Variants in KIAA1958 observed in about 807,000 individuals in gnomAD.
KIAA1958 encodes the protein KIAA1958.
Under a neutral mutation model 47.2 loss-of-function variants are expected in KIAA1958, and 14 were observed. The observed-to-expected ratio is 0.30, with a 90% CI of 0.20 to 0.46. The LOEUF (loss-of-function observed/expected upper bound fraction) is 0.46. Ranked by LOEUF, KIAA1958 falls within the 20% of genes least tolerant of loss-of-function variation. The pLI is 1.00. For missense variants in KIAA1958, 803 were observed against 909.2 expected (o/e 0.88, Z 1.50); for synonymous variants, 354 against 353.3 (o/e 1.00, Z -0.02).
At chr9:112,653,967 T>G (rs904347098) in intron 3 of KIAA1958, among the ~76,000 whole-genome samples, 2 of 152,268 alleles carry the variant, frequency 1.3e-5, no homozygotes, top group South Asian at 2.1e-4. Context: ...CTTGAAGGCT[T>G]GGAATTCACA....
chr9:112,577,834 T>C (rs1033007485), intron 2 of KIAA1958, among the ~76,000 whole-genome samples: 3 of 152,156 alleles, frequency 2.0e-5, no homozygotes, highest in African/African-American at 4.8e-5. Flanking sequence ...TAGGTTTTTT[T>C]CTTCCCTCAT....
In KIAA1958 at chr9:112,659,777, A is replaced by C. The variant is rs1837240885; in HGVS notation, c.1859A>C (p.Glu620Ala). The C allele has an allele frequency of 6.2e-7, 1 of 1,614,030 alleles. No homozygotes were observed. The highest frequency in any genetic ancestry group is 8.5e-7 in the Non-Finnish European group (1 of 1,180,048). The change falls in exon 4 of 4, where the codon GAG becomes GCG. Residue 620 changes from glutamate to alanine, a missense_variant. Glu to Ala is a moderately radical substitution (Grantham distance 107). This residue lies in a region of KIAA1958 where 761 missense variants were observed against 829.3 expected (regional missense o/e 0.92). Coordinates refer to ENST00000337530, the MANE Select transcript of KIAA1958 (RefSeq NM_133465.4). ...GTGTGTCACGGGAAGATCTACCATG[A>C]GCATTCCCGGGGACACAAACAGTGC... ...TRVCHGKIYHEHSRGHKQCPY... is the reference protein window; with the variant it reads ...TRVCHGKIYHAHSRGHKQCPY...
At chr9:112,583,922 C>T (rs1171534863) in intron 2 of KIAA1958, among the ~76,000 whole-genome samples, 1 of 152,024 alleles carries the variant, frequency 6.6e-6, no homozygotes, top group Non-Finnish European at 1.5e-5. Context: ...AAAATGTGAA[C>T]ATTTATTAAA....
intron 1 of KIAA1958, among the ~76,000 whole-genome samples, chr9:112,546,348 C>T (rs559024329): frequency 2.0e-5 from 3 of 152,248 alleles, no homozygotes; most frequent in East Asian, 3.9e-4. Flanking sequence ...CCAAGAATTC[C>T]CTGCCCCTTT....
In KIAA1958 at chr9:112,665,058, A is replaced by G. The variant is rs1837335821; in HGVS notation, c.*4989A>G. The G allele has an allele frequency of 6.6e-6, 1 of 151,984 alleles. No homozygotes were observed. The highest frequency in any genetic ancestry group is 1.5e-5 in the Non-Finnish European group (1 of 67,932). 9.4% of individuals were successfully genotyped at this position (151,984 alleles called of 1,614,324 possible). On this transcript the variant is annotated 3_prime_UTR_variant, in exon 4 of 4. Transcript: ENST00000337530. Reference sequence around the variant, plus strand: ...GCTTATTATTTAGCTAAAACAACTTATATGGAAGTTAATTATTTCAGGAAA... The same window carrying G: ...GCTTATTATTTAGCTAAAACAACTTGTATGGAAGTTAATTATTTCAGGAAA...
intron 1 of KIAA1958, among the ~76,000 whole-genome samples, chr9:112,487,947 GT>G (rs1833896902): frequency 5.0e-4 from 3 of 6,056 alleles, no homozygotes; most frequent in Non-Finnish European, 9.3e-4. Flanking sequence ...GTGTGTGTGC[GT>G]GTGTGTGTGT....
chr9:112,545,098 T>G (rs1300657605), intron 1 of KIAA1958, among the ~76,000 whole-genome samples: 1 of 152,202 alleles, frequency 6.6e-6, no homozygotes, highest in African/African-American at 2.4e-5. Context: ...ATTTGTGAAT[T>G]CAAACAGAAA....
In KIAA1958 at chr9:112,574,609, G is replaced by T; in HGVS notation, c.529G>T (p.Val177Leu). 6.2e-7 allele frequency: 1 copy of T among 1,614,168 alleles called. No individual in the cohort carries two copies. Among genetic ancestry groups the T allele is most frequent in the Non-Finnish European group, 8.5e-7 (1 of 1,180,032 alleles). The stretch of plus-strand genomic sequence containing the variant: ...AAGCATTGCTCGCAAAAGACCTGGG[G>T]TAGTCCCATCTTCCCTCCATTCAAG... ...PQSIARKRPG[V>L]VPSSLHSSSQ... Residue 177 changes from valine to leucine, a missense_variant, in exon 2 of 4, where the codon GTA (valine) becomes TTA (leucine). Transcript: ENST00000337530.
At chr9:112,533,866 G>A (rs1203793113) in intron 1 of KIAA1958, among the ~76,000 whole-genome samples, 1 of 152,084 alleles carries the variant, frequency 6.6e-6, no homozygotes, top group African/African-American at 2.4e-5. Context: ...GGGGACTATG[G>A]GGATTACAAT....
intron 1 of KIAA1958, among the ~76,000 whole-genome samples, chr9:112,565,607 T>G (rs1379684949): frequency 6.6e-6 from 1 of 152,226 alleles, no homozygotes; most frequent in Non-Finnish European, 1.5e-5. Context: ...TTCTCAGAAT[T>G]TAAAAAATAC....
intron 2 of KIAA1958, among the ~76,000 whole-genome samples, chr9:112,601,053 G>A (rs1211409880): frequency 3.9e-5 from 6 of 152,202 alleles, no homozygotes; most frequent in Non-Finnish European, 8.8e-5. Flanking sequence ...GGCAGAGCTG[G>A]AACCTTTAAC....
intron 3 of KIAA1958, among the ~76,000 whole-genome samples, chr9:112,657,449 G>A (rs1220300840): frequency 2.6e-5 from 4 of 151,986 alleles, no homozygotes; most frequent in African/African-American, 7.3e-5. Context: ...TGAATAATCC[G>A]TTTGCTTATT....
chr9:112,590,221 G>A lies in KIAA1958; in HGVS notation c.1171+14970G>A, dbSNP rs146738542. On this transcript the variant is annotated intron_variant, in intron 2 of 3. Coordinates refer to ENST00000337530, the MANE Select transcript of KIAA1958 (RefSeq NM_133465.4). ...TGATTTTATTCACTTTAAGATTTGA[G>A]AGCAGTTCAAGGCTACAGTTTCATT... 1.4e-4 allele frequency among the ~76,000 whole-genome samples: 21 copies of A among 152,258 alleles called. No individual in the cohort carries two copies. The East Asian group carries it at 3.9e-3, about 28-fold the overall frequency.
chr9:112,659,019 CAAAAAAAAAA>C (rs560013892), intron 3 of KIAA1958, among the ~76,000 whole-genome samples: 1 of 57,758 alleles, frequency 1.7e-5, no homozygotes, highest in South Asian at 8.2e-4. Context: ...GACTCTGACT[CAAAAAAAAAA>C]AAAAAAAAAA....
intron 2 of KIAA1958, among the ~76,000 whole-genome samples, chr9:112,638,216 T>G (rs2131236730): frequency 6.6e-6 from 1 of 151,938 alleles, no homozygotes; most frequent in Non-Finnish European, 1.5e-5. Flanking sequence ...AAAAGAAAAA[T>G]AAAGAAGGCT....
chr9:112,499,994 C>T (rs184011048), intron 1 of KIAA1958, among the ~76,000 whole-genome samples: 6 of 152,104 alleles, frequency 3.9e-5, no homozygotes, highest in African/African-American at 1.4e-4. Context: ...GGCCTCCTAT[C>T]TACATTTTTC....
rs759646242 is a variant in KIAA1958 at position 112,618,910 on chromosome 9, C to T, written c.1172-26740C>T. ...CCTCCTATGACTCTTCCTCAGACAC[C>T]GCTTGACCAGGTGGCTTGAGCAAGA... On this transcript the variant is annotated intron_variant, in intron 2 of 3. Transcript: ENST00000337530. The surrounding 1 kb of genome is among the most constrained non-coding windows in gnomAD (Gnocchi z 7.1). 7.9e-6 allele frequency: 12 copies of T among 1,527,222 alleles called. No homozygotes were observed. Among genetic ancestry groups the T allele is most frequent in the African/African-American group, 4.1e-5 (3 of 72,722 alleles). The allele number at this position is 1,527,222 out of a possible 1,614,324, so 94.6% of individuals were successfully genotyped here.
intron 1 of KIAA1958, among the ~76,000 whole-genome samples, chr9:112,497,551 T>G (rs942486643): frequency 6.6e-6 from 1 of 152,216 alleles, no homozygotes; most frequent in Non-Finnish European, 1.5e-5. Context: ...GCACCCAGTC[T>G]GTAGTATTTT....
In KIAA1958 at chr9:112,664,816, A is replaced by C. The variant is rs1159138100; in HGVS notation, c.*4747A>C. The C allele has an allele frequency of 6.6e-6, 1 of 152,218 alleles. No homozygotes were observed. The highest frequency in any genetic ancestry group is 2.4e-5 in the African/African-American group (1 of 41,446). 9.4% of individuals were successfully genotyped at this position (152,218 alleles called of 1,614,324 possible). A position where few individuals can be genotyped will look rare whatever the true frequency, so the allele number is the denominator to read the frequency against. On this transcript the variant is annotated 3_prime_UTR_variant, in exon 4 of 4. Coordinates refer to ENST00000337530, the MANE Select transcript of KIAA1958 (RefSeq NM_133465.4). The stretch of plus-strand genomic sequence containing the variant: ...GGAGGCCATGGGGTATGATAACTAA[A>C]TGAACATCTCTGGAAGTTCCTCCGT...
Sources: allele counts gnomAD v4.1 joint callset (sites outside exome capture counted in the v4.1 genomes callset), GRCh38; gene constraint gnomAD v4.1.1; regional missense constraint gnomAD v4.1.1; non-coding constraint Gnocchi (gnomAD v3.1); transcripts MANE v1.5; gene names NCBI Gene and HGNC (gene_info 2026-07-23, HGNC 2026-07-21).